MEMO1: variants seen among roughly 807,000 people sequenced by gnomAD.
MEMO1 encodes the protein mediator of cell motility 1.
In MEMO1, 6 loss-of-function variants were observed where a neutral mutation model predicts 45.2. The observed-to-expected ratio is 0.13, with a 90% CI of 0.07 to 0.26. The LOEUF (loss-of-function observed/expected upper bound fraction) is 0.26. MEMO1 is among the 10% of genes least tolerant of loss of function. The probability of loss-of-function intolerance (pLI) is 1.00; values close to 1 mark genes in which losing one functional copy is unlikely to be tolerated. For synonymous variants in MEMO1, 78 were observed against 124.3 expected, an observed-to-expected ratio of 0.63 and a Z score of 2.48; for missense variants, 184 against 370.5, an observed-to-expected ratio of 0.50 and a Z score of 4.13.
chr2:31,972,666 G>A (rs574389161), intron 2 of MEMO1, among the ~76,000 whole-genome samples: 1 of 152,072 alleles, frequency 6.6e-6, no homozygotes, highest in African/African-American at 2.4e-5. Flanking sequence ...AGCCAAGATC[G>A]TGCTACTGCA....
chr2:31,998,175 C>T (rs1203979125), intron 2 of MEMO1, among the ~76,000 whole-genome samples: 7 of 152,148 alleles, frequency 4.6e-5, no homozygotes, highest in Non-Finnish European at 1.0e-4. Flanking sequence ...GCCAACCACA[C>T]CTGGCTAATT....
At chr2:31,999,827 C>A (rs919415160) in intron 2 of MEMO1, among the ~76,000 whole-genome samples, 2 of 151,692 alleles carry the variant, frequency 1.3e-5, no homozygotes, top group African/African-American at 4.8e-5. Flanking sequence ...TGCCTAAAAT[C>A]ATCTATCCCC....
intron 2 of MEMO1, among the ~76,000 whole-genome samples, chr2:31,983,529 G>A (rs186032007): frequency 1.3e-5 from 2 of 152,144 alleles, no homozygotes; most frequent in African/African-American, 4.8e-5. Context: ...CCGCCTTCCG[G>A]GTTCAAGCGG....
At chr2:31,967,088 G>T (rs1306707554) in intron 2 of MEMO1, among the ~76,000 whole-genome samples, 1 of 151,452 alleles carries the variant, frequency 6.6e-6, no homozygotes, top group Non-Finnish European at 1.5e-5. Context: ...AATATTAATA[G>T]GTCCCAATCA....
intron 2 of MEMO1, among the ~76,000 whole-genome samples, chr2:31,954,394 G>A (rs1248076675): frequency 2.6e-5 from 4 of 151,998 alleles, no homozygotes; most frequent in African/African-American, 9.7e-5. Context: ...GACCAGCTTG[G>A]TCAACATAGT....
At chr2:31,892,632 G>T (rs1677144324) in intron 6 of MEMO1, among the ~76,000 whole-genome samples, 1 of 152,040 alleles carries the variant, frequency 6.6e-6, no homozygotes, top group African/African-American at 2.4e-5. Context: ...ACTTAATCTT[G>T]GCTCCCGTAA....
intron 2 of MEMO1, among the ~76,000 whole-genome samples, chr2:32,009,869 G>A (rs1674608336): frequency 6.6e-6 from 1 of 152,030 alleles, no homozygotes; most frequent in South Asian, 2.1e-4. Flanking sequence ...CTGGGGTCCG[G>A]GAGCACGTTC....
chr2:31,984,566 T>C (rs182335357), intron 2 of MEMO1, among the ~76,000 whole-genome samples: 106 of 152,212 alleles, frequency 7.0e-4, no homozygotes, highest in East Asian at 7.7e-4. Flanking sequence ...TCTCAGCACT[T>C]TGGGAGGCCA....
intron 2 of MEMO1, among the ~76,000 whole-genome samples, chr2:31,991,593 C>T (rs974130073): frequency 6.1e-5 from 9 of 147,440 alleles, no homozygotes; most frequent in Non-Finnish European, 9.0e-5. Context: ...AAAAACACAA[C>T]ACACACAGGA....
intron 7 of MEMO1, among the ~76,000 whole-genome samples, chr2:31,884,253 T>A (rs970652269): frequency 3.3e-5 from 5 of 152,152 alleles, no homozygotes; most frequent in Admixed American, 2.0e-4. Flanking sequence ...AAGTTAAAAA[T>A]TTTCTTAACT....
chr2:31,982,612 C>G (rs538412124), intron 2 of MEMO1, among the ~76,000 whole-genome samples: 2 of 147,436 alleles, frequency 1.4e-5, no homozygotes, highest in South Asian at 2.1e-4. Flanking sequence ...AAAAAAGATA[C>G]GTATGAAGTT....
intron 2 of MEMO1, among the ~76,000 whole-genome samples, chr2:31,965,235 A>AAGGGAAGAAAGGG (rs886771464): frequency 2.6e-5 from 4 of 151,138 alleles, no homozygotes; most frequent in African/African-American, 9.7e-5. Context: ...AAAGGAAAGG[A>AAGGGAAGAAAGGG]AGGGAAGAAA....
At chr2:31,962,412 G>C (rs1668111922) in intron 2 of MEMO1, among the ~76,000 whole-genome samples, 2 of 152,010 alleles carry the variant, frequency 1.3e-5, no homozygotes, top group Non-Finnish European at 2.9e-5. Context: ...AGAAAAGAAA[G>C]AAGAGAGAGA....
At chr2:31,976,886 G>T (rs1670066515) in intron 2 of MEMO1, among the ~76,000 whole-genome samples, 1 of 152,016 alleles carries the variant, frequency 6.6e-6, no homozygotes, top group Admixed American at 6.6e-5. Flanking sequence ...TGCATATATG[G>T]CTTATCCTCT....
At chr2:31,870,714 T>C (rs1043226710) in intron 8 of MEMO1, among the ~76,000 whole-genome samples, 1 of 152,052 alleles carries the variant, frequency 6.6e-6, no homozygotes, top group Non-Finnish European at 1.5e-5. Flanking sequence ...GTAACTGGGA[T>C]TACAGACAAC....
At chr2:31,923,989 C>G (rs12712325) in intron 4 of MEMO1, among the ~76,000 whole-genome samples, 22,506 of 152,022 alleles carry the variant, frequency 0.15, 1,911 homozygotes, top group African/African-American at 0.22. Context: ...TTAACCAATT[C>G]TGTACTCTAC....
intron 2 of MEMO1, among the ~76,000 whole-genome samples, chr2:31,966,130 T>C (rs1668585314): frequency 6.6e-6 from 1 of 152,088 alleles, no homozygotes; most frequent in African/African-American, 2.4e-5. Flanking sequence ...ACTGGCCCAA[T>C]CTCCTCATTC....
At chr2:31,952,025 T>C (rs1666898100) in intron 2 of MEMO1, among the ~76,000 whole-genome samples, 1 of 152,104 alleles carries the variant, frequency 6.6e-6, no homozygotes, top group Non-Finnish European at 1.5e-5. Flanking sequence ...ACACAGAAAA[T>C]AGCATGCCCT....
At chr2:31,918,617 G>A (rs1681830801) in intron 5 of MEMO1, among the ~76,000 whole-genome samples, 1 of 152,248 alleles carries the variant, frequency 6.6e-6, no homozygotes, top group African/African-American at 2.4e-5. Flanking sequence ...TAAGCTTGTA[G>A]GATGGATCAA....
Sources: gnomAD v4.1 joint callset for allele counts (sites outside exome capture counted in the v4.1 genomes callset) on GRCh38, gnomAD v4.1.1 for gene constraint, MANE v1.5 for transcripts, NCBI Gene and HGNC (gene_info 2026-07-23, HGNC 2026-07-21) for gene names.